Variants in TBC1D22B observed in about 807,000 individuals in gnomAD.
TBC1D22B encodes the protein TBC1 domain family member 22B.
Under a neutral mutation model 69.1 loss-of-function variants are expected in TBC1D22B, and 32 were observed. The ratio of observed to expected loss-of-function variants is 0.46; its 90% CI spans 0.35 to 0.62. TBC1D22B has a LOEUF of 0.62. Ranked by LOEUF, TBC1D22B falls within the 20% of genes least tolerant of loss-of-function variation. The probability of loss-of-function intolerance (pLI) is 0.00; values close to 1 mark genes in which losing one functional copy is unlikely to be tolerated. For missense variants in TBC1D22B, 462 were observed against 630.9 expected, an observed-to-expected ratio of 0.73 and a Z score of 2.87; for synonymous variants, 206 against 229.8, an observed-to-expected ratio of 0.90 and a Z score of 0.94.
At chr6:37,308,826 C>T (rs1295940073) in intron 8 of TBC1D22B, among the ~76,000 whole-genome samples, 2 of 151,938 alleles carry the variant, frequency 1.3e-5, no homozygotes, top group African/African-American at 4.8e-5. Context: ...AATTTCAGTG[C>T]TGGCTGGGCA....
chr6:37,275,966 CTTTT>C (rs149995165), intron 2 of TBC1D22B, among the ~76,000 whole-genome samples: 1 of 133,214 alleles, frequency 7.5e-6, no homozygotes, highest in Admixed American at 7.5e-5. Flanking sequence ...TTCTTTTTTT[CTTTT>C]TTTTTTTTTT....
chr6:37,326,990 A>G (rs1768424664), intron 12 of TBC1D22B, among the ~76,000 whole-genome samples: 3 of 152,194 alleles, frequency 2.0e-5, no homozygotes. Flanking sequence ...CTAACTTAGG[A>G]TACAAGTGGT....
At chr6:37,298,208 TCAAAA>T (rs1274785271) in intron 8 of TBC1D22B, among the ~76,000 whole-genome samples, 1 of 151,582 alleles carries the variant, frequency 6.6e-6, no homozygotes, top group East Asian at 1.9e-4. Flanking sequence ...AAAAAAAAAA[TCAAAA>T]CAATATAGAA....
At chr6:37,307,595 C>A (rs1767767045) in intron 8 of TBC1D22B, among the ~76,000 whole-genome samples, 1 of 152,100 alleles carries the variant, frequency 6.6e-6, no homozygotes, top group Non-Finnish European at 1.5e-5. Flanking sequence ...ACCTTGTGAT[C>A]CACCTGCCTG....
At chr6:37,260,858 A>G (rs181007156) in intron 1 of TBC1D22B, among the ~76,000 whole-genome samples, 1 of 152,348 alleles carries the variant, frequency 6.6e-6, no homozygotes, top group East Asian at 1.9e-4. Context: ...TCCATAGTAT[A>G]CATACACCAC....
At chr6:37,315,306 C>T (rs934999035) in intron 10 of TBC1D22B, among the ~76,000 whole-genome samples, 4 of 152,152 alleles carry the variant, frequency 2.6e-5, no homozygotes, top group African/African-American at 9.7e-5. Flanking sequence ...CGGTGACTCA[C>T]ACCTGTAATC....
At chr6:37,279,731 C>G (rs1766769423) in intron 3 of TBC1D22B, 120 bp downstream of exon 3, 1 of 1,082,652 alleles carries the variant, frequency 9.2e-7, no homozygotes, top group Non-Finnish European at 1.3e-6. Flanking sequence ...TAAATAAACT[C>G]AAGCCTGAGA....
intron 3 of TBC1D22B, among the ~76,000 whole-genome samples, chr6:37,280,691 A>G (rs987106783): frequency 6.6e-6 from 1 of 152,216 alleles, no homozygotes; most frequent in Non-Finnish European, 1.5e-5. Flanking sequence ...AGCCCAGAGC[A>G]TTCTCCCTGA....
intron 9 of TBC1D22B, 152 bp downstream of exon 9, chr6:37,313,176 A>G (rs2113781178): frequency 1.4e-6 from 1 of 692,958 alleles, no homozygotes; most frequent in Non-Finnish European, 2.6e-6. Flanking sequence ...ATCCTTCTTC[A>G]TTGGCTTTAC....
At chr6:37,267,367 TATATAC>T (rs1766320523) in intron 1 of TBC1D22B, among the ~76,000 whole-genome samples, 1 of 85,420 alleles carries the variant, frequency 1.2e-5, no homozygotes, top group Non-Finnish European at 2.4e-5. Context: ...ATATATAATA[TATATAC>T]ACACATATAT....
At chr6:37,298,697 C>T (rs557177059) in intron 8 of TBC1D22B, among the ~76,000 whole-genome samples, 3 of 152,180 alleles carry the variant, frequency 2.0e-5, no homozygotes, top group South Asian at 4.2e-4. Context: ...AGGCGCCCGC[C>T]ACCACGCACA....
intron 8 of TBC1D22B, among the ~76,000 whole-genome samples, chr6:37,305,783 G>A (rs537273693): frequency 3.0e-4 from 45 of 152,322 alleles, no homozygotes; most frequent in African/African-American, 9.4e-4. Context: ...GCCTCCCAAA[G>A]TGCTAGGATT....
In TBC1D22B at chr6:37,298,443, T is replaced by C. The variant is rs149366767; in HGVS notation, c.982+7086T>C. 2.3e-3 allele frequency among the ~76,000 whole-genome samples: 354 copies of C among 152,130 alleles called. 8 individuals carry two copies. The highest frequency in any genetic ancestry group is 0.017 in the Admixed American group (259 of 15,284). On this transcript the variant is annotated intron_variant, in intron 8 of 12. Coordinates refer to ENST00000373491, the MANE Select transcript of TBC1D22B (RefSeq NM_017772.4). ...AGCTTTCAAAGCCTGAACATATAGA[T>C]CCACTTCATTATTTTCAGCAATTCC...
At chr6:37,319,095 T>C (rs1176417763) in intron 12 of TBC1D22B, among the ~76,000 whole-genome samples, 1 of 152,162 alleles carries the variant, frequency 6.6e-6, no homozygotes, top group Non-Finnish European at 1.5e-5. Flanking sequence ...ATTTAGTAGA[T>C]AGATGGAAAG....
At chr6:37,258,726 A>G (rs1444958662) in intron 1 of TBC1D22B, among the ~76,000 whole-genome samples, 2 of 151,930 alleles carry the variant, frequency 1.3e-5, no homozygotes, top group African/African-American at 4.8e-5. Context: ...GTATGTTGAG[A>G]CTTTTGGCAA....
chr6:37,300,299 A>G (rs190967866), intron 8 of TBC1D22B, among the ~76,000 whole-genome samples: 1 of 151,820 alleles, frequency 6.6e-6, no homozygotes, highest in African/African-American at 2.4e-5. Flanking sequence ...ATTTCTATCC[A>G]GTACCACACA....
chr6:37,259,159 A>G (rs955742459), intron 1 of TBC1D22B, among the ~76,000 whole-genome samples: 1 of 152,150 alleles, frequency 6.6e-6, no homozygotes, highest in East Asian at 1.9e-4. Context: ...TGCCCCACCA[A>G]GAGTCTTATT....
chr6:37,301,527 C>T (rs1029096379), intron 8 of TBC1D22B, among the ~76,000 whole-genome samples: 3 of 152,136 alleles, frequency 2.0e-5, no homozygotes, highest in Admixed American at 6.5e-5. Context: ...TTTTACTTAG[C>T]GTAATGTCTT....
chr6:37,303,767 T>C (rs947620160), intron 8 of TBC1D22B, among the ~76,000 whole-genome samples: 1 of 152,192 alleles, frequency 6.6e-6, no homozygotes, highest in Non-Finnish European at 1.5e-5. Context: ...TGAGCTAATC[T>C]TTGTGCACCC....
Sources: allele counts gnomAD v4.1 joint callset (sites outside exome capture counted in the v4.1 genomes callset), GRCh38; gene constraint gnomAD v4.1.1; transcripts MANE v1.5; gene names NCBI Gene and HGNC (gene_info 2026-07-23, HGNC 2026-07-21).